Variants in ELOVL2 observed in about 807,000 individuals in gnomAD.
ELOVL2 encodes ELOVL fatty acid elongase 2.
A neutral mutation model predicts 37.7 loss-of-function variants in ELOVL2; 38 were observed. That is an observed-to-expected ratio of 1.01 (90% CI 0.78 to 1.32). The LOEUF is 1.32. Ranked by LOEUF, ELOVL2 falls within the 40% of genes most tolerant of loss-of-function variation. The probability of loss-of-function intolerance (pLI) is 0.00; values close to 1 mark genes in which losing one functional copy is unlikely to be tolerated. For missense variants in ELOVL2, 352 were observed against 363.6 expected (o/e 0.97, Z 0.26); for synonymous variants, 115 against 122.3 (o/e 0.94, Z 0.40).
intron 1 of ELOVL2, among the ~76,000 whole-genome samples, chr6:11,034,435 C>A (rs1387274661): frequency 1.4e-5 from 2 of 141,244 alleles, no homozygotes; most frequent in Non-Finnish European, 3.1e-5. Flanking sequence ...GTAATCCCAG[C>A]ACTTTGGGAG....
At chr6:10,984,864 G>A (rs1051583204) in intron 7 of ELOVL2, among the ~76,000 whole-genome samples, 7 of 152,040 alleles carry the variant, frequency 4.6e-5, no homozygotes, top group African/African-American at 1.7e-4. Context: ...ATAGTCCTTT[G>A]GGTATATACC....
At chr6:11,012,450 G>A (rs1782601114) in intron 1 of ELOVL2, among the ~76,000 whole-genome samples, 1 of 152,174 alleles carries the variant, frequency 6.6e-6, no homozygotes, top group South Asian at 2.1e-4. Context: ...TCAGTCTTGA[G>A]CAAAGAATGT....
At chr6:11,002,676 C>T (rs1782410271) in intron 3 of ELOVL2, among the ~76,000 whole-genome samples, 1 of 152,190 alleles carries the variant, frequency 6.6e-6, no homozygotes, top group African/African-American at 2.4e-5. Context: ...AGACATTTAC[C>T]TCGTTGTTCA....
intron 3 of ELOVL2, among the ~76,000 whole-genome samples, chr6:11,001,445 G>C (rs1332144296): frequency 6.6e-6 from 1 of 152,158 alleles, no homozygotes; most frequent in Non-Finnish European, 1.5e-5. Flanking sequence ...AGAGGACCCA[G>C]AAAGACCTTA....
At chr6:11,026,202 T>TAA (rs1278386597) in intron 1 of ELOVL2, among the ~76,000 whole-genome samples, 12 of 152,172 alleles carry the variant, frequency 7.9e-5, no homozygotes, top group African/African-American at 2.2e-4. Flanking sequence ...AGAGAAGACT[T>TAA]AAAGTATCCT....
intron 5 of ELOVL2, among the ~76,000 whole-genome samples, chr6:10,992,713 C>G (rs1380162648): frequency 2.7e-5 from 4 of 149,488 alleles, no homozygotes; most frequent in African/African-American, 4.9e-5. Context: ...CACTTGAACC[C>G]GGAGGCAGAG....
intron 1 of ELOVL2, among the ~76,000 whole-genome samples, chr6:11,020,754 A>AT (rs1166775554): frequency 2.0e-5 from 3 of 152,162 alleles, no homozygotes; most frequent in African/African-American, 4.8e-5. Context: ...GTAAAACAGC[A>AT]TTTTTCCCCC....
At chr6:11,040,276 A>G (rs1045987198) in intron 1 of ELOVL2, among the ~76,000 whole-genome samples, 2 of 152,164 alleles carry the variant, frequency 1.3e-5, no homozygotes, top group East Asian at 1.9e-4. Flanking sequence ...ACTAGTGGAA[A>G]GGGTGTAAGA....
At chr6:11,017,027 C>A (rs1163586034) in intron 1 of ELOVL2, among the ~76,000 whole-genome samples, 1 of 152,096 alleles carries the variant, frequency 6.6e-6, no homozygotes, top group Non-Finnish European at 1.5e-5. Flanking sequence ...ATGGGTAGAA[C>A]AATCTTTTAT....
intron 1 of ELOVL2, among the ~76,000 whole-genome samples, chr6:11,037,415 AAC>A (rs1424786221): frequency 6.6e-6 from 1 of 152,180 alleles, no homozygotes; most frequent in Non-Finnish European, 1.5e-5. Flanking sequence ...TGGAAAATTC[AAC>A]AGATTTAAAT....
At chr6:11,032,028 C>T (rs1412432870) in intron 1 of ELOVL2, among the ~76,000 whole-genome samples, 1 of 152,166 alleles carries the variant, frequency 6.6e-6, no homozygotes, top group Non-Finnish European at 1.5e-5. Context: ...TGCATCACTA[C>T]AGCAAACCAC....
chr6:10,997,769 C>T (rs535021281), intron 4 of ELOVL2, among the ~76,000 whole-genome samples: 2 of 152,264 alleles, frequency 1.3e-5, no homozygotes, highest in African/African-American at 4.8e-5. Flanking sequence ...TCAGGAGGTA[C>T]GTAATTTCCG....
intron 7 of ELOVL2, among the ~76,000 whole-genome samples, chr6:10,986,437 G>C (rs1581856235): frequency 1.3e-5 from 2 of 152,324 alleles, no homozygotes; most frequent in Admixed American, 1.3e-4. Context: ...AGTTTTCAAA[G>C]GGAATGCTTC....
intron 1 of ELOVL2, among the ~76,000 whole-genome samples, chr6:11,041,699 A>T (rs1455434531): frequency 6.6e-6 from 1 of 152,222 alleles, no homozygotes; most frequent in Non-Finnish European, 1.5e-5. Flanking sequence ...TGCTGAACTT[A>T]CATAGTCATA....
At chr6:11,017,851 T>G (rs1351725286) in intron 1 of ELOVL2, among the ~76,000 whole-genome samples, 3 of 152,172 alleles carry the variant, frequency 2.0e-5, no homozygotes, top group Non-Finnish European at 4.4e-5. Flanking sequence ...TAGCCCCAAT[T>G]CCAAGAACAA....
intron 1 of ELOVL2, among the ~76,000 whole-genome samples, chr6:11,035,988 T>C (rs998999182): frequency 1.3e-5 from 2 of 152,204 alleles, no homozygotes; most frequent in Non-Finnish European, 2.9e-5. Context: ...TTTTAAAGAA[T>C]ATGTATTCAA....
At chr6:10,992,776 G>T (rs1371879505) in intron 5 of ELOVL2, among the ~76,000 whole-genome samples, 1 of 140,490 alleles carries the variant, frequency 7.1e-6, no homozygotes, top group Non-Finnish European at 1.5e-5. Context: ...GACAGGGCGG[G>T]ACTCCATCTC....
chr6:11,005,539 A>C lies in ELOVL2; in HGVS notation c.88T>G (p.Phe30Val), dbSNP rs1156764670. ...GTAGGAAGGTAAGAGTCCAACATGA[A>C]CCACCCTCTGACTCGAGAATCTGAA... ...GPRDSRVRGW[F>V]MLDSYLPTFF... Residue 30 changes from phenylalanine to valine, a missense_variant, in exon 3 of 8, where the codon TTC becomes GTC. Coordinates refer to ENST00000354666, the MANE Select transcript of ELOVL2 (RefSeq NM_017770.4). The C allele has an allele frequency of 6.2e-7, 1 of 1,613,306 alleles. No homozygotes were observed. The highest frequency in any genetic ancestry group is 8.5e-7 in the Non-Finnish European group (1 of 1,179,746).
intron 1 of ELOVL2, among the ~76,000 whole-genome samples, chr6:11,016,979 A>T: frequency 6.6e-6 from 1 of 152,120 alleles, no homozygotes; most frequent in East Asian, 1.9e-4. Context: ...TATTCTCTGG[A>T]GGGAGTAATG....
Sources: gnomAD v4.1 joint callset for allele counts (sites outside exome capture counted in the v4.1 genomes callset) on GRCh38, gnomAD v4.1.1 for gene constraint, MANE v1.5 for transcripts, NCBI Gene and HGNC (gene_info 2026-07-23, HGNC 2026-07-21) for gene names.